Variants in ATXN1 observed in about 807,000 individuals in gnomAD.
ATXN1 encodes the protein ataxin 1, also known as ataxin-1.
Under a neutral mutation model 56.4 loss-of-function variants are expected in ATXN1, and 8 were observed. That is an observed-to-expected ratio of 0.14 (90% CI 0.08 to 0.26). The LOEUF (loss-of-function observed/expected upper bound fraction) is 0.26. Ranked by LOEUF, ATXN1 falls within the 10% of genes least tolerant of loss-of-function variation. The pLI is 1.00. For missense variants in ATXN1, 987 were observed against 1,106.5 expected (o/e 0.89, Z 1.53); for synonymous variants, 514 against 494.6 (o/e 1.04, Z -0.52).
chr6:16,683,639 C>T (rs1758858560), intron 2 of ATXN1, among the ~76,000 whole-genome samples: 1 of 152,174 alleles, frequency 6.6e-6, no homozygotes, highest in South Asian at 2.1e-4. Flanking sequence ...AGGCTTAGGA[C>T]AAGCAAACCT....
chr6:16,616,615 T>G (rs1365189199), intron 3 of ATXN1, among the ~76,000 whole-genome samples: 2 of 145,836 alleles, frequency 1.4e-5, no homozygotes, highest in Non-Finnish European at 3.0e-5. Context: ...ATATAAAATA[T>G]TTTATATATT....
intron 3 of ATXN1, among the ~76,000 whole-genome samples, chr6:16,625,273 T>C (rs1763388353): frequency 1.3e-5 from 2 of 152,114 alleles, no homozygotes; most frequent in Non-Finnish European, 1.5e-5. Context: ...TTTATGGCCA[T>C]AGGCCCACTA....
chr6:16,483,578 G>A (rs1397455956), intron 6 of ATXN1, among the ~76,000 whole-genome samples: 1 of 152,180 alleles, frequency 6.6e-6, no homozygotes, highest in African/African-American at 2.4e-5. Flanking sequence ...AAAGTACTTA[G>A]CATGCACAAA....
At chr6:16,314,685 G>A (rs777387737) in intron 7 of ATXN1, among the ~76,000 whole-genome samples, 1 of 151,508 alleles carries the variant, frequency 6.6e-6, no homozygotes, top group African/African-American at 2.4e-5. Flanking sequence ...GCACTATCTC[G>A]GCTCACTGCA....
chr6:16,738,915 T>C (rs1465561944), intron 2 of ATXN1: 1 of 152,244 alleles, frequency 6.6e-6, no homozygotes, highest in African/African-American at 2.4e-5. Flanking sequence ...TCAATTGCTG[T>C]ATCCATTCTC....
At chr6:16,554,228 T>C (rs926184161) in intron 4 of ATXN1, among the ~76,000 whole-genome samples, 4 of 152,212 alleles carry the variant, frequency 2.6e-5, no homozygotes, top group East Asian at 1.9e-4. Context: ...AAGTGATTCA[T>C]GGAAAAGATG....
intron 6 of ATXN1, among the ~76,000 whole-genome samples, chr6:16,343,509 A>C (rs1356737933): frequency 6.6e-6 from 1 of 152,130 alleles, no homozygotes; most frequent in African/African-American, 2.4e-5. Context: ...ACGTCAGGGC[A>C]TCCTTTAAGC....
intron 7 of ATXN1, among the ~76,000 whole-genome samples, chr6:16,325,050 C>A (rs534760595): frequency 1.6e-4 from 24 of 152,172 alleles, no homozygotes; most frequent in African/African-American, 5.5e-4. Context: ...TGCAAACTAA[C>A]CAGTCCAGAG....
intron 3 of ATXN1, among the ~76,000 whole-genome samples, chr6:16,601,858 A>G (rs1762918672): frequency 6.6e-6 from 1 of 152,188 alleles, no homozygotes; most frequent in African/African-American, 2.4e-5. Context: ...GTCTCAAAAA[A>G]GAAAAAATCA....
At chr6:16,743,244 G>C (rs1384976963) in intron 2 of ATXN1, among the ~76,000 whole-genome samples, 4 of 152,208 alleles carry the variant, frequency 2.6e-5, no homozygotes, top group Non-Finnish European at 1.5e-5. Context: ...AAATATGATT[G>C]AGCGAATTCA....
chr6:16,543,066 C>T (rs1259766753), intron 4 of ATXN1, among the ~76,000 whole-genome samples: 2 of 152,172 alleles, frequency 1.3e-5, no homozygotes, highest in Non-Finnish European at 2.9e-5. Flanking sequence ...GGAACACATT[C>T]TTTCCAGAAG....
intron 2 of ATXN1, chr6:16,666,623 A>G: frequency 6.6e-6 from 1 of 152,492 alleles, no homozygotes; most frequent in Non-Finnish European, 1.5e-5. Flanking sequence ...CTCCTGCCTC[A>G]GCCTCCCGAG....
At chr6:16,322,030 C>A (rs1026554723) in intron 7 of ATXN1, among the ~76,000 whole-genome samples, 6 of 152,012 alleles carry the variant, frequency 3.9e-5, no homozygotes, top group South Asian at 4.1e-4. Context: ...CAGACCAGCA[C>A]GGGCAAGATA....
At chr6:16,324,594 T>C (rs1199159446) in intron 7 of ATXN1, among the ~76,000 whole-genome samples, 1 of 152,196 alleles carries the variant, frequency 6.6e-6, no homozygotes. Flanking sequence ...CTGTCCCATT[T>C]GAATGTTTTC....
chr6:16,459,338 T>C (rs1396857002), intron 6 of ATXN1, among the ~76,000 whole-genome samples: 1 of 152,132 alleles, frequency 6.6e-6, no homozygotes, highest in Non-Finnish European at 1.5e-5. Flanking sequence ...CACTTTTCCT[T>C]ATCAAAGGCA....
intron 2 of ATXN1, among the ~76,000 whole-genome samples, chr6:16,704,750 CTG>C (rs1759370558): frequency 6.6e-6 from 1 of 152,206 alleles, no homozygotes; most frequent in South Asian, 2.1e-4. Flanking sequence ...CCCAAGGAGA[CTG>C]TCTCCCTACC....
At chr6:16,598,243 G>A (rs960945314) in intron 3 of ATXN1, among the ~76,000 whole-genome samples, 2 of 152,170 alleles carry the variant, frequency 1.3e-5, no homozygotes, top group East Asian at 1.9e-4. Flanking sequence ...CTGCCGGAAC[G>A]GGTTGCCAAT....
chr6:16,376,504 T>C (rs954497421), intron 6 of ATXN1, among the ~76,000 whole-genome samples: 1 of 152,202 alleles, frequency 6.6e-6, no homozygotes, highest in African/African-American at 2.4e-5. Context: ...CCTCAAAGCA[T>C]TGCAATGATA....
At chr6:16,346,380 T>C (rs1244395223) in intron 6 of ATXN1, among the ~76,000 whole-genome samples, 1 of 152,198 alleles carries the variant, frequency 6.6e-6, no homozygotes, top group Non-Finnish European at 1.5e-5. Flanking sequence ...ATTTAATTTA[T>C]TTTTAAATTT....
Sources: allele counts gnomAD v4.1 joint callset (sites outside exome capture counted in the v4.1 genomes callset), GRCh38; gene constraint gnomAD v4.1.1; transcripts MANE v1.5; gene names NCBI Gene and HGNC (gene_info 2026-07-23, HGNC 2026-07-21).